The following MYLK variants were observed in gnomAD, a reference collection of about 807,000 sequenced individuals.
MYLK encodes myosin light chain kinase, smooth muscle.
MYLK carries 106 observed loss-of-function variants against 203.4 expected under a neutral mutation model. That is an observed-to-expected ratio of 0.52 (90% CI 0.45 to 0.61). The LOEUF is 0.61. MYLK is among the 20% of genes least tolerant of loss of function. MYLK has a pLI of 0.00. For synonymous variants in MYLK, 867 were observed against 959.5 expected (o/e 0.90, Z 1.78); for missense variants, 2,072 against 2,442.3 (o/e 0.85, Z 3.20).
At chr3:123,730,980 C>G (rs958303062) in intron 11 of MYLK, among the ~76,000 whole-genome samples, 2 of 152,096 alleles carry the variant, frequency 1.3e-5, no homozygotes, top group African/African-American at 4.8e-5. Flanking sequence ...GATGTATTAC[C>G]CCATGACGCG....
intron 2 of MYLK, among the ~76,000 whole-genome samples, chr3:123,859,838 G>C (rs546165744): frequency 1.3e-5 from 2 of 152,052 alleles, no homozygotes; most frequent in Non-Finnish European, 2.9e-5. Context: ...ACTGGTATCT[G>C]TTTCTGGTAA....
chr3:123,643,257 C>T (rs1348869824), intron 27 of MYLK, among the ~76,000 whole-genome samples: 1 of 152,142 alleles, frequency 6.6e-6, no homozygotes, highest in African/African-American at 2.4e-5. Context: ...ATCTCTAGAC[C>T]CTTATTTGCC....
chr3:123,705,028 A>G (rs2061406592), intron 16 of MYLK, among the ~76,000 whole-genome samples: 1 of 152,214 alleles, frequency 6.6e-6, no homozygotes, highest in South Asian at 2.1e-4. Context: ...CTTTTGGTAC[A>G]GTAGACAAGA....
chr3:123,638,340 ACCT>A (rs2058718045), intron 28 of MYLK, 146 bp from the exon 29 acceptor site: 4 of 1,172,114 alleles, frequency 3.4e-6, no homozygotes. Context: ...GAGACATCTG[ACCT>A]CCTTGTTAAA....
intron 23 of MYLK, among the ~76,000 whole-genome samples, chr3:123,661,666 C>T (rs1295849822): frequency 6.6e-6 from 1 of 152,078 alleles, no homozygotes; most frequent in East Asian, 1.9e-4. Flanking sequence ...GACAGGGTGA[C>T]GGACACTGAG....
In MYLK at chr3:123,733,813, C is replaced by G; in HGVS notation, c.1183G>C (p.Val395Leu). ...RQPGLGSQDV[V>L]SKAANRRIPM... ...ATTCTCCTGTTAGCAGCCTTGCTCA[C>G]AACATCTTGGCTCCCCAGGCCAGGC... The change falls in exon 10 of 34, where the codon GTG (valine) becomes CTG (leucine). Residue 395 changes from valine to leucine, a missense_variant. Val to Leu is a conservative substitution (Grantham distance 32, BLOSUM62 1). This residue lies in a region of MYLK where 683 missense variants were observed against 643.8 expected (regional missense o/e 1.06). Coordinates refer to ENST00000360304, the MANE Select transcript of MYLK (RefSeq NM_053025.4). 6.2e-7 allele frequency: 1 copy of G among 1,613,938 alleles called. No individual in the cohort carries two copies. Among genetic ancestry groups the G allele is most frequent in the Non-Finnish European group, 8.5e-7 (1 of 1,180,024 alleles).
intron 29 of MYLK, among the ~76,000 whole-genome samples, chr3:123,632,194 CA>C (rs2058458633): frequency 6.6e-6 from 1 of 152,030 alleles, no homozygotes; most frequent in Admixed American, 6.5e-5. Context: ...TTTTATACAT[CA>C]AGGGGACTAG....
chr3:123,748,100 C>T (rs1198534303), intron 5 of MYLK, among the ~76,000 whole-genome samples: 1 of 152,208 alleles, frequency 6.6e-6, no homozygotes, highest in Admixed American at 6.5e-5. Context: ...CCAGTATCTG[C>T]TCTTGGTGAG....
In MYLK at chr3:123,737,434, C is replaced by T; in HGVS notation, c.698G>A (p.Cys233Tyr). The T allele has an allele frequency of 6.2e-7, 1 of 1,614,194 alleles. No individual in the cohort carries two copies. Among genetic ancestry groups the T allele is most frequent in the Non-Finnish European group, 8.5e-7 (1 of 1,180,046 alleles). The change falls in exon 8 of 34, where the codon TGC (cysteine) becomes TAC (tyrosine). Residue 233 changes from cysteine to tyrosine, a missense_variant. Around this residue, in one of 3 missense-constraint regions of MYLK, gnomAD observed 683 missense variants for 643.8 expected, o/e 1.06. Transcript: ENST00000360304. ...CTTCCCCGACCCGTTCACCACCAGG[C>T]ACGTGTACACTCCCACGTCATCTTG... ...VNQDDVGVYT[C>Y]LVVNGSGKAS...
At chr3:123,699,854 G>C (rs1032108216) in intron 18 of MYLK, among the ~76,000 whole-genome samples, 166 bp downstream of exon 18, 1 of 152,212 alleles carries the variant, frequency 6.6e-6, no homozygotes, top group Admixed American at 6.5e-5. Context: ...GAGTTAGCAG[G>C]AAACAGGGAC....
At chr3:123,726,853 G>A (rs1158932171) in intron 11 of MYLK, among the ~76,000 whole-genome samples, 2 of 152,228 alleles carry the variant, frequency 1.3e-5, no homozygotes, top group East Asian at 3.9e-4. Context: ...AGAACATGCT[G>A]TACATGTGTC....
At chr3:123,639,755 C>A (rs567274861) in intron 28 of MYLK, among the ~76,000 whole-genome samples, 2 of 152,298 alleles carry the variant, frequency 1.3e-5, no homozygotes, top group South Asian at 4.2e-4. Context: ...AGTGGGACCT[C>A]CTGGGCAAAG....
intron 19 of MYLK, among the ~76,000 whole-genome samples, chr3:123,686,971 C>T (rs2060480319): frequency 6.6e-6 from 1 of 152,142 alleles, no homozygotes; most frequent in Non-Finnish European, 1.5e-5. Context: ...CCTGTAATCC[C>T]AGCACTTTGG....
intron 1 of MYLK, among the ~76,000 whole-genome samples, chr3:123,881,273 G>C (rs906968165): frequency 7.2e-5 from 11 of 152,244 alleles, no homozygotes; most frequent in Non-Finnish European, 1.2e-4. Context: ...CCACCCAATA[G>C]ACCCTGCTCA....
At chr3:123,717,828 G>C in intron 13 of MYLK, among the ~76,000 whole-genome samples, 1 of 140,624 alleles carries the variant, frequency 7.1e-6, no homozygotes, top group Admixed American at 7.0e-5. Flanking sequence ...AGGAATATTT[G>C]TTGAGGGACT....
intron 3 of MYLK, among the ~76,000 whole-genome samples, chr3:123,805,793 C>G (rs2065346336): frequency 6.6e-6 from 1 of 152,194 alleles, no homozygotes; most frequent in African/African-American, 2.4e-5. Flanking sequence ...TTCTCTAAAC[C>G]TCAATTTCCC....
chr3:123,774,413 G>C (rs1230988069), intron 4 of MYLK, among the ~76,000 whole-genome samples: 2 of 152,114 alleles, frequency 1.3e-5, no homozygotes, highest in Non-Finnish European at 2.9e-5. Flanking sequence ...GGAAGTACAG[G>C]CTACATTATG....
intron 27 of MYLK, among the ~76,000 whole-genome samples, chr3:123,645,440 G>A (rs1370364530): frequency 1.3e-5 from 2 of 152,168 alleles, no homozygotes; most frequent in Non-Finnish European, 2.9e-5. Flanking sequence ...TACAGCTTGG[G>A]GATGTCTTAC....
intron 2 of MYLK, among the ~76,000 whole-genome samples, chr3:123,870,398 G>T (rs578026406): frequency 6.6e-6 from 1 of 152,274 alleles, no homozygotes; most frequent in African/African-American, 2.4e-5. Flanking sequence ...AAGGGCACAG[G>T]TGTTTCCACC....
Sources: gnomAD v4.1 joint callset for allele counts (sites outside exome capture counted in the v4.1 genomes callset) on GRCh38, gnomAD v4.1.1 for gene constraint, gnomAD v4.1.1 regional missense constraint, MANE v1.5 for transcripts, NCBI Gene and HGNC (gene_info 2026-07-23, HGNC 2026-07-21) for gene names.